Variants in TANC2 observed in about 807,000 individuals in gnomAD.
The protein encoded by TANC2 is tetratricopeptide repeat, ankyrin repeat and coiled-coil containing 2, also known as protein TANC2.
TANC2 carries 26 observed loss-of-function variants against 210.5 expected under a neutral mutation model. That is an observed-to-expected ratio of 0.12 (90% CI 0.09 to 0.17). The LOEUF (loss-of-function observed/expected upper bound fraction) is 0.17. TANC2 is among the 10% of genes least tolerant of loss of function. The pLI is 1.00. For synonymous variants in TANC2, 931 were observed against 967.1 expected, an observed-to-expected ratio of 0.96 and a Z score of 0.69; for missense variants, 2,129 against 2,608.9, an observed-to-expected ratio of 0.82 and a Z score of 4.01.
At chr17:63,238,041 C>G in exon 8 of TANC2, 1 of 1,546,764 alleles carries the variant, frequency 6.5e-7, no homozygotes, top group Non-Finnish European at 8.7e-7. Context: ...ACAGTCTATT[C>G]CTTTGTATCT....
chr17:63,341,728 C>T (rs1174735834), intron 12 of TANC2, among the ~76,000 whole-genome samples: 2 of 152,218 alleles, frequency 1.3e-5, no homozygotes, highest in Non-Finnish European at 2.9e-5. Flanking sequence ...GTCTTCTAGA[C>T]TTTATGTGTT....
chr17:63,374,509 T>C (rs75026636), intron 14 of TANC2, among the ~76,000 whole-genome samples: 132 of 152,230 alleles, frequency 8.7e-4, no homozygotes, highest in African/African-American at 3.1e-3. Context: ...GTAATGGAGA[T>C]GTGTACCAGG....
chr17:63,392,049 T>C (rs1237949703), intron 17 of TANC2, among the ~76,000 whole-genome samples: 1 of 152,114 alleles, frequency 6.6e-6, no homozygotes, highest in Non-Finnish European at 1.5e-5. Flanking sequence ...TTAATGTCAT[T>C]TCCCACTTCT....
At chr17:62,985,314 C>G (rs1351916540) in intron 1 of TANC2, among the ~76,000 whole-genome samples, 1 of 151,764 alleles carries the variant, frequency 6.6e-6, no homozygotes, top group African/African-American at 2.4e-5. Flanking sequence ...AATTCTTTTT[C>G]TTTTACTTTT....
chr17:63,089,655 T>G (rs931784475), intron 3 of TANC2, among the ~76,000 whole-genome samples: 1 of 152,204 alleles, frequency 6.6e-6, no homozygotes, highest in Admixed American at 6.5e-5. Flanking sequence ...ATGTGTGAGA[T>G]AATTGCAGTC....
At chr17:63,204,402 A>G (rs936834730) in intron 7 of TANC2, among the ~76,000 whole-genome samples, 19 of 151,566 alleles carry the variant, frequency 1.3e-4, no homozygotes, top group South Asian at 8.4e-4. Context: ...TAAGATAACA[A>G]TATTTATCAA....
rs1426212466 is a variant in TANC2 at position 63,269,287 on chromosome 17, TTGCATGGCATA to T, written c.1159+1419_1159+1429del. On this transcript the variant is annotated intron_variant, in intron 9 of 27. Transcript: ENST00000689528. Reference sequence around the variant, plus strand: ...AGTTCTTCAGTTTGTCATATACCAGTTGCATGGCATATGCAACTGTGTGTTTACAGTCCAGA... The same window carrying T: ...AGTTCTTCAGTTTGTCATATACCAGTTGCAACTGTGTGTTTACAGTCCAGA... Among the ~76,000 whole-genome samples the T allele has an allele frequency of 3.9e-5, 6 of 152,270 alleles. No homozygotes were observed. The East Asian group carries it at 9.7e-4, about 25-fold the overall frequency.
At position 63,200,355 on chromosome 17, in the gene TANC2, C is replaced by CA. The variant is rs10598629; in HGVS notation, c.583-395dup. On this transcript the variant is annotated intron_variant, in intron 6 of 27. Coordinates refer to ENST00000689528, the Ensembl canonical transcript of TANC2. Reference sequence around the variant, plus strand: ...GGGCAACAAGAATGAAACTCTGTCTCAAAAAAAAAAAAAAAAAAAAAGAAA... The same window carrying CA: ...GGGCAACAAGAATGAAACTCTGTCTCAAAAAAAAAAAAAAAAAAAAAAGAAA... Among the ~76,000 whole-genome samples, 295 of 93,746 alleles carry CA rather than the reference C, an allele frequency of 3.1e-3. 2 individuals are homozygous for CA. The highest frequency in any genetic ancestry group is 0.012 in the African/African-American group (273 of 23,610). The allele number at this position is 93,746 out of a possible 152,430, so 61.5% of individuals were successfully genotyped here.
At chr17:63,162,023 G>T (rs114364512) in intron 5 of TANC2, among the ~76,000 whole-genome samples, 53 of 152,310 alleles carry the variant, frequency 3.5e-4, no homozygotes, top group African/African-American at 1.1e-3. Flanking sequence ...TTTGATTGCA[G>T]GCTGGGCGCG....
At chr17:63,404,658 A>G (rs2048444304) in intron 19 of TANC2, among the ~76,000 whole-genome samples, 1 of 152,190 alleles carries the variant, frequency 6.6e-6, no homozygotes, top group Admixed American at 6.5e-5. Context: ...TTGGTTCTCT[A>G]GGCTTAAGAG....
chr17:63,306,162 A>G (rs2044897412), intron 9 of TANC2, among the ~76,000 whole-genome samples: 1 of 152,230 alleles, frequency 6.6e-6, no homozygotes, highest in African/African-American at 2.4e-5. Context: ...AAATGTAGCA[A>G]AAGTCTGAGC....
chr17:63,091,684 A>G (rs935701869), intron 3 of TANC2, among the ~76,000 whole-genome samples: 1 of 152,148 alleles, frequency 6.6e-6, no homozygotes, highest in Non-Finnish European at 1.5e-5. Context: ...GGATTGTCTT[A>G]GAAATGCGGG....
chr17:63,114,700 C>G (rs1598419554), intron 4 of TANC2, among the ~76,000 whole-genome samples: 1 of 151,818 alleles, frequency 6.6e-6, no homozygotes, highest in African/African-American at 2.4e-5. Context: ...GATGATTACT[C>G]CTTAGAGAAA....
rs558596139 is a variant in TANC2, at chr17:63,381,008, G to C, written c.2691+1182G>C. Among the ~76,000 whole-genome samples, 19 of 152,280 alleles carry C rather than the reference G, an allele frequency of 1.2e-4. No individual in the cohort carries two copies. In the South Asian group the frequency reaches 3.9e-3, roughly 32 times the overall value. ...TAGCTAATAATTCCATAAACTCTAA[G>C]AGCATTGTCCTGCTGTTAGATAGTA... On this transcript the variant is annotated intron_variant, in intron 15 of 27. Transcript: ENST00000689528.
At chr17:63,091,774 TG>T (rs1304383216) in intron 3 of TANC2, among the ~76,000 whole-genome samples, 1 of 152,184 alleles carries the variant, frequency 6.6e-6, no homozygotes, top group African/African-American at 2.4e-5. Context: ...TTGATGGGGA[TG>T]GCATTGAATC....
chr17:63,291,617 A>T (rs558342204), intron 9 of TANC2, among the ~76,000 whole-genome samples: 1 of 152,334 alleles, frequency 6.6e-6, no homozygotes, highest in East Asian at 1.9e-4. Context: ...AAGAAATGTG[A>T]GAGATGCAAG....
At chr17:63,269,299 T>C (rs1355944796) in intron 9 of TANC2, among the ~76,000 whole-genome samples, 1 of 152,132 alleles carries the variant, frequency 6.6e-6, no homozygotes, top group Non-Finnish European at 1.5e-5. Context: ...GCATGGCATA[T>C]GCAACTGTGT....
At chr17:63,393,560 G>C (rs752844399) in intron 17 of TANC2, 4 of 152,104 alleles carry the variant, frequency 2.6e-5, no homozygotes, top group African/African-American at 4.8e-5. Context: ...CCAGAATTAG[G>C]AGGACATTGA....
chr17:63,270,020 CT>C (rs1177818894), intron 9 of TANC2, among the ~76,000 whole-genome samples: 3 of 152,056 alleles, frequency 2.0e-5, no homozygotes, highest in African/African-American at 7.2e-5. Flanking sequence ...ATTTCAGTTC[CT>C]TGAAGTCATC....
Sources: gnomAD v4.1 joint callset for allele counts (sites outside exome capture counted in the v4.1 genomes callset) on GRCh38, gnomAD v4.1.1 for gene constraint, MANE v1.5 for transcripts, NCBI Gene and HGNC (gene_info 2026-07-23, HGNC 2026-07-21) for gene names.